The following RGPD4 variants were observed in gnomAD, a reference collection of about 807,000 sequenced individuals.
RGPD4 encodes the protein RANBP2 like and GRIP domain containing 4, also known as ranBP2-like and GRIP domain-containing protein 4.
Under a neutral mutation model 141.1 loss-of-function variants are expected in RGPD4, and 84 were observed. That is an observed-to-expected ratio of 0.60 (90% CI 0.50 to 0.71). The LOEUF (loss-of-function observed/expected upper bound fraction) is 0.71, where lower values mean the gene tolerates loss of function less well. Ranked by LOEUF, RGPD4 falls within the 30% of genes least tolerant of loss-of-function variation. The pLI is 0.00. For missense variants in RGPD4, 918 were observed against 1,622.4 expected (o/e 0.57, Z 7.46); for synonymous variants, 298 against 566.8 (o/e 0.53, Z 6.74).
chr2:107,855,130 C>G (rs1199822395), intron 8 of RGPD4, among the ~76,000 whole-genome samples: 8 of 90,186 alleles, frequency 8.9e-5, no homozygotes, highest in African/African-American at 3.4e-4. Context: ...TGGGATGAAT[C>G]CTAAAGGTCT....
At chr2:107,887,233 G>C (rs1058036) in intron 22 of RGPD4, among the ~76,000 whole-genome samples, 2 of 150,444 alleles carry the variant, frequency 1.3e-5, no homozygotes, top group Non-Finnish European at 3.0e-5. Context: ...TTCAGCCTGG[G>C]CAACAGAGTA....
chr2:107,868,438 C>T (rs1682806857), intron 18 of RGPD4, among the ~76,000 whole-genome samples: 1 of 151,704 alleles, frequency 6.6e-6, no homozygotes, highest in East Asian at 1.9e-4. Flanking sequence ...TTTTTTAATA[C>T]TAGTCATGCT....
chr2:107,884,711 C>A lies in RGPD4; in HGVS notation c.5266+1838C>A, dbSNP rs1675463150. Among the ~76,000 whole-genome samples the A allele has an allele frequency of 2.1e-5, 3 of 141,942 alleles. No individual in the cohort carries two copies. In the East Asian group the frequency reaches 6.1e-4, roughly 29 times the overall value. 93.1% of individuals were successfully genotyped at this position (141,942 alleles called of 152,430 possible). On this transcript the variant is annotated intron_variant, in intron 22 of 22. Transcript: ENST00000408999. The stretch of plus-strand genomic sequence containing the variant: ...CTAGTTGGTGTTCTTTAACATGTTC[C>A]CCATCCCCTGTAAACCCTAATAACT...
Position 107,860,780 on chromosome 2 carries a change from T to A in RGPD4, c.1773T>A (p.Asn591Lys), listed in dbSNP as rs189216330. 6.2e-7 allele frequency: 1 copy of A among 1,610,618 alleles called. No homozygotes were observed. The highest frequency in any genetic ancestry group is 2.2e-5 in the East Asian group (1 of 44,760). The change falls in exon 13 of 23, where the codon AAT becomes AAA. Residue 591 changes from asparagine to lysine, a missense_variant. Coordinates refer to ENST00000408999, the MANE Select transcript of RGPD4 (RefSeq NM_182588.3). The stretch of plus-strand genomic sequence containing the variant: ...TTCTTTTTTAGGGCAGTGGTCTTAA[T>A]TCTTTTTATGATCAACGAGAATACA... ...KCLQKMGSGL[N>K]SFYDQREYIG...
chr2:107,881,584 G>C (rs895273285), intron 21 of RGPD4, among the ~76,000 whole-genome samples: 2 of 150,962 alleles, frequency 1.3e-5, no homozygotes, highest in African/African-American at 4.9e-5. Context: ...CCAAAGTGTT[G>C]GGATTACAGG....
At position 107,859,562 on chromosome 2, in the gene RGPD4, G is replaced by T. The variant is rs746109654; in HGVS notation, c.1634+8G>T. On this transcript the variant is annotated splice_region_variant and intron_variant, in intron 11 of 22. Transcript: ENST00000408999. ...GATTCACAGAAAAGCAGTGTAAGTA[G>T]TAAAACAAAAATATTGCTTTCACTT... 6.2e-7 allele frequency: 1 copy of T among 1,611,486 alleles called. No individual in the cohort carries two copies. The highest frequency in any genetic ancestry group is 8.5e-7 in the Non-Finnish European group (1 of 1,179,838).
intron 1 of RGPD4, among the ~76,000 whole-genome samples, chr2:107,830,817 A>T (rs1234058243): frequency 4.0e-5 from 6 of 151,042 alleles, no homozygotes; most frequent in Admixed American, 2.6e-4. Context: ...GGAGTTTTGG[A>T]GTGTGATGAT....
chr2:107,876,555 C>G (rs1408867660), intron 20 of RGPD4, among the ~76,000 whole-genome samples: 6 of 151,072 alleles, frequency 4.0e-5, no homozygotes, highest in Non-Finnish European at 7.4e-5. Flanking sequence ...AGCTTCTTTG[C>G]TTTCACATTT....
chr2:107,851,094 T>C (rs1682103596), intron 7 of RGPD4, among the ~76,000 whole-genome samples: 1 of 34,504 alleles, frequency 2.9e-5, no homozygotes, highest in Admixed American at 2.3e-4. Flanking sequence ...GGATTATAGG[T>C]GTGAGCTACT....
intron 22 of RGPD4, among the ~76,000 whole-genome samples, chr2:107,886,753 T>C (rs1410218655): frequency 6.6e-6 from 1 of 152,034 alleles, no homozygotes; most frequent in Non-Finnish European, 1.5e-5. Flanking sequence ...TGAGAGCCAC[T>C]CTTCCTGGCA....
intron 20 of RGPD4, among the ~76,000 whole-genome samples, chr2:107,874,949 G>C (rs1448759557): frequency 6.9e-6 from 1 of 144,414 alleles, no homozygotes; most frequent in Non-Finnish European, 1.5e-5. Flanking sequence ...AAAAGGAAGG[G>C]CACTGGTTCT....
At chr2:107,884,885 C>A (rs1268768510) in intron 22 of RGPD4, among the ~76,000 whole-genome samples, 2 of 151,986 alleles carry the variant, frequency 1.3e-5, no homozygotes, top group East Asian at 1.9e-4. Context: ...GGGGCCCATA[C>A]CTTGAAAACC....
intron 1 of RGPD4, among the ~76,000 whole-genome samples, chr2:107,829,637 G>A (rs1681394341): frequency 2.6e-5 from 4 of 152,198 alleles, no homozygotes; most frequent in Admixed American, 2.0e-4. Context: ...GCCGGCTGGC[G>A]CAGTCCTGTG....
chr2:107,847,921 A>AT (rs1290823208), intron 6 of RGPD4, among the ~76,000 whole-genome samples: 1 of 130,682 alleles, frequency 7.7e-6, no homozygotes, highest in African/African-American at 3.0e-5. Context: ...ATACCTGTCA[A>AT]TTATTTACTT....
At chr2:107,866,063 C>T (rs1383609658) in intron 17 of RGPD4, 127 bp from the exon 18 acceptor site, 1 of 208,744 alleles carries the variant, frequency 4.8e-6, no homozygotes, top group African/African-American at 5.0e-5. Context: ...GATCGAGACA[C>T]CATCTCAAAA....
chr2:107,884,620 G>T (rs1262095824), intron 22 of RGPD4, among the ~76,000 whole-genome samples: 1 of 145,232 alleles, frequency 6.9e-6, no homozygotes, highest in South Asian at 2.3e-4. Flanking sequence ...ATGGTATTGT[G>T]TGCTTTCTAA....
chr2:107,871,353 A>G lies in RGPD4; in HGVS notation c.3349A>G (p.Thr1117Ala), dbSNP rs751995606. 2.0e-6 allele frequency: 3 copies of G among 1,538,328 alleles called. No homozygotes were observed. The highest frequency in any genetic ancestry group is 2.2e-5 in the East Asian group (1 of 44,664). The change falls in exon 20 of 23, where the codon ACA becomes GCA. Residue 1117 changes from threonine to alanine, a missense_variant. Coordinates refer to ENST00000408999, the MANE Select transcript of RGPD4 (RefSeq NM_182588.3). ...KVCANHWITT[T>A]MNLKPLSGSD... Reference sequence around the variant, plus strand: ...GTGTGCTAATCATTGGATAACGACTACAATGAACCTGAAGCCCCTGTCTGG... The same window carrying G: ...GTGTGCTAATCATTGGATAACGACTGCAATGAACCTGAAGCCCCTGTCTGG...
chr2:107,851,344 G>T (rs1682110119), intron 7 of RGPD4, among the ~76,000 whole-genome samples: 1 of 59,102 alleles, frequency 1.7e-5, no homozygotes, highest in Non-Finnish European at 3.3e-5. Context: ...TTGAACTCCT[G>T]GCTTCAAGTG....
rs201041555 is a variant in RGPD4 at position 107,888,622 on chromosome 2, C to G, written c.5267-2099C>G. 2.4e-4 allele frequency among the ~76,000 whole-genome samples: 36 copies of G among 151,240 alleles called. 1 individual carries two copies. The East Asian group carries it at 6.2e-3, about 26-fold the overall frequency. On this transcript the variant is annotated intron_variant, in intron 22 of 22. Coordinates refer to ENST00000408999, the MANE Select transcript of RGPD4 (RefSeq NM_182588.3). ...TCCCCTTCAGAGCCAGTAGGCTAACCTAATGAGTTATTTTTAACCAGTAGA... is the reference window on the plus strand; with the variant it reads ...TCCCCTTCAGAGCCAGTAGGCTAACGTAATGAGTTATTTTTAACCAGTAGA...
Sources: allele counts gnomAD v4.1 joint callset (sites outside exome capture counted in the v4.1 genomes callset), GRCh38; gene constraint gnomAD v4.1.1; transcripts MANE v1.5; gene names NCBI Gene and HGNC (gene_info 2026-07-23, HGNC 2026-07-21).